Variants in MAPT observed in about 807,000 individuals in gnomAD.
The protein encoded by MAPT is microtubule-associated protein tau.
A neutral mutation model predicts 67.9 loss-of-function variants in MAPT; 34 were observed. The observed-to-expected ratio is 0.50, with a 90% CI of 0.38 to 0.67. The LOEUF is 0.67. MAPT is among the 30% of genes least tolerant of loss of function. The pLI is 0.00. For synonymous variants in MAPT, 456 were observed against 464.5 expected, an observed-to-expected ratio of 0.98 and a Z score of 0.23; for missense variants, 881 against 1,115.2, an observed-to-expected ratio of 0.79 and a Z score of 2.99.
intron 3 of MAPT, chr17:45,973,010 T>G (rs568405777): frequency 6.6e-6 from 1 of 152,318 alleles, no homozygotes; most frequent in African/African-American, 2.4e-5. Flanking sequence ...TATCTGCCCC[T>G]CTATCTTTCC....
chr17:45,935,898 A>T (rs1468669162), intron 1 of MAPT, among the ~76,000 whole-genome samples: 1 of 152,132 alleles, frequency 6.6e-6, no homozygotes, highest in East Asian at 1.9e-4. Flanking sequence ...TCTGGCACTG[A>T]TTCCTTACTT....
At chr17:46,019,574 GC>G (rs1472072214) in intron 12 of MAPT, among the ~76,000 whole-genome samples, 1 of 151,910 alleles carries the variant, frequency 6.6e-6, no homozygotes, top group Admixed American at 6.6e-5. Flanking sequence ...TTGCCACGTT[GC>G]CCAGGCTGGT....
At position 45,974,265 on chromosome 17, in the gene MAPT, G is replaced by T. The variant is rs2072057534; in HGVS notation, c.220+2320G>T. 24 of 754,054 alleles carry T rather than the reference G, an allele frequency of 3.2e-5. No homozygotes were observed. The South Asian group carries it at 3.2e-4, about 10-fold the overall frequency. The allele number at this position is 754,054 out of a possible 1,614,324, so 46.7% of individuals were successfully genotyped here. ...GGCCCTACTTCAGGGCTGCTTTCTG[G>T]CATATGGCTGATCCCCTCCTCACTC... On this transcript the variant is annotated intron_variant, in intron 3 of 12. Coordinates refer to ENST00000262410, the MANE Select transcript of MAPT (RefSeq NM_001377265.1).
intron 1 of MAPT, among the ~76,000 whole-genome samples, chr17:45,957,016 G>C (rs1354353217): frequency 6.6e-6 from 1 of 151,956 alleles, no homozygotes; most frequent in Non-Finnish European, 1.5e-5. Flanking sequence ...ATTTGGGTTG[G>C]TTCCAAGTCT....
intron 1 of MAPT, among the ~76,000 whole-genome samples, chr17:45,950,200 T>C (rs1041741962): frequency 6.6e-6 from 1 of 152,114 alleles, no homozygotes; most frequent in Non-Finnish European, 1.5e-5. Flanking sequence ...GGATGCACTG[T>C]CATGGGCAGG....
chr17:45,926,410 G>T (rs2066294055), intron 1 of MAPT, among the ~76,000 whole-genome samples: 2 of 152,000 alleles, frequency 1.3e-5, no homozygotes, highest in African/African-American at 4.8e-5. Context: ...CCGGGCTCAA[G>T]TGATCCTCCC....
In MAPT at chr17:45,971,488, G is replaced by A. The variant is rs184227076; in HGVS notation, c.134-371G>A. 6.6e-6 allele frequency among the ~76,000 whole-genome samples: 1 copy of A among 152,328 alleles called. No individual in the cohort carries two copies. The highest frequency in any genetic ancestry group is 2.4e-5 in the African/African-American group (1 of 41,568). ...GGTGTCTACTTGTTGTTAATTAATAGCAATGACAAAGCAGAAGGTTCATGC... is the reference window on the plus strand; with the variant it reads ...GGTGTCTACTTGTTGTTAATTAATAACAATGACAAAGCAGAAGGTTCATGC... On this transcript the variant is annotated intron_variant, in intron 2 of 12. Coordinates refer to ENST00000262410, the MANE Select transcript of MAPT (RefSeq NM_001377265.1). This position sits in a 1 kb window ranked among gnomAD's most constrained non-coding sequence, Gnocchi z 4.3.
At chr17:45,931,897 G>C (rs2066877863) in intron 1 of MAPT, 1 of 151,966 alleles carries the variant, frequency 6.6e-6, no homozygotes, top group African/African-American at 2.4e-5. Context: ...GATTTGCCTG[G>C]GCAACATAGT....
chr17:45,962,268 CA>C, intron 1 of MAPT, 52 bp from the exon 2 acceptor site: 1 of 1,465,304 alleles, frequency 6.8e-7, no homozygotes, highest in Middle Eastern at 2.4e-4. Context: ...TCTTCACCCC[CA>C]CTCTGCCCCC....
At chr17:45,950,437 T>G (rs951553313) in intron 1 of MAPT, among the ~76,000 whole-genome samples, 1 of 151,704 alleles carries the variant, frequency 6.6e-6, no homozygotes, top group African/African-American at 2.4e-5. Context: ...CACCTGCACA[T>G]CCCTGTCCCT....
chr17:46,007,515 A>T (rs1388517975), intron 9 of MAPT, among the ~76,000 whole-genome samples: 2 of 152,150 alleles, frequency 1.3e-5, no homozygotes, highest in East Asian at 1.9e-4. Flanking sequence ...AAGAATAAAT[A>T]AAAATAAATT....
rs1331882421 is a variant in MAPT at position 45,915,061 on chromosome 17, C to T, written c.-18+20375C>T. On this transcript the variant is annotated intron_variant, in intron 1 of 12. Coordinates refer to ENST00000262410, the MANE Select transcript of MAPT (RefSeq NM_001377265.1). This position sits in a 1 kb window ranked among gnomAD's most constrained non-coding sequence, Gnocchi z 4.4. Reference sequence around the variant, plus strand: ...TAAATGCATGTATACGCTCAGGCATCAGCACACTTGGAAAGGATGAAAATA... The same window carrying T: ...TAAATGCATGTATACGCTCAGGCATTAGCACACTTGGAAAGGATGAAAATA... Among the ~76,000 whole-genome samples the T allele has an allele frequency of 6.6e-6, 1 of 152,170 alleles. No homozygotes were observed. Among genetic ancestry groups the T allele is most frequent in the Non-Finnish European group, 1.5e-5 (1 of 68,034 alleles).
intron 9 of MAPT, among the ~76,000 whole-genome samples, chr17:46,001,820 G>A (rs2075028720): frequency 6.6e-6 from 1 of 152,318 alleles, no homozygotes; most frequent in South Asian, 2.1e-4. Context: ...AGAGAAACAG[G>A]GCCAGTCACA....
chr17:45,921,376 G>A (rs1232805273), intron 1 of MAPT, among the ~76,000 whole-genome samples: 4 of 152,192 alleles, frequency 2.6e-5, no homozygotes, highest in African/African-American at 9.7e-5. Flanking sequence ...AGAGCCTGGA[G>A]GCTGCTTAGC....
intron 1 of MAPT, among the ~76,000 whole-genome samples, chr17:45,944,783 G>A (rs2144989045): frequency 6.6e-6 from 1 of 152,284 alleles, no homozygotes; most frequent in Non-Finnish European, 1.5e-5. Flanking sequence ...CCTCTGAGAG[G>A]CCTCGCAGCA....
At chr17:46,007,254 G>A (rs966107021) in intron 9 of MAPT, among the ~76,000 whole-genome samples, 5 of 152,198 alleles carry the variant, frequency 3.3e-5, no homozygotes, top group African/African-American at 1.2e-4. Context: ...TGAGGCTGAG[G>A]TGAGAGAATC....
intron 1 of MAPT, among the ~76,000 whole-genome samples, chr17:45,921,991 A>G (rs2065778208): frequency 6.6e-6 from 1 of 151,850 alleles, no homozygotes; most frequent in Non-Finnish European, 1.5e-5. Context: ...CTGGCTCCAT[A>G]GAATGGCTGA....
At position 46,010,232 on chromosome 17, in the gene MAPT, G is replaced by A. The variant is rs2075731192; in HGVS notation, c.1999-78G>A. ...TCCAGGGTGGCGCATGTCACTCATC[G>A]AAAGTGGAGGCGTCCTTGCGAGCAA... On this transcript the variant is annotated intron_variant, in intron 9 of 12. Coordinates refer to ENST00000262410, the MANE Select transcript of MAPT (RefSeq NM_001377265.1). This position sits in a 1 kb window ranked among gnomAD's most constrained non-coding sequence, Gnocchi z 4.7. 7.2e-6 allele frequency: 7 copies of A among 975,044 alleles called. No individual in the cohort carries two copies. The highest frequency in any genetic ancestry group is 4.0e-5 in the Admixed American group (2 of 49,964). The allele number at this position is 975,044 out of a possible 1,614,324, so 60.4% of individuals were successfully genotyped here. A position where few individuals can be genotyped will look rare whatever the true frequency, so the allele number is the denominator to read the frequency against.
intron 2 of MAPT, among the ~76,000 whole-genome samples, chr17:45,966,395 C>A (rs2071082694): frequency 6.6e-6 from 1 of 151,948 alleles, no homozygotes; most frequent in Non-Finnish European, 1.5e-5. Flanking sequence ...TGAGACAAGC[C>A]TGGGCAACAT....
Sources: gnomAD v4.1 joint callset for allele counts (sites outside exome capture counted in the v4.1 genomes callset) on GRCh38, gnomAD v4.1.1 for gene constraint, Gnocchi (gnomAD v3.1) non-coding constraint, MANE v1.5 for transcripts, NCBI Gene and HGNC (gene_info 2026-07-23, HGNC 2026-07-21) for gene names.